The following ZC3H12B variants were observed in gnomAD, a reference collection of about 807,000 sequenced individuals.
The protein encoded by ZC3H12B is probable ribonuclease ZC3H12B.
Under a neutral mutation model 43.9 loss-of-function variants are expected in ZC3H12B, and 7 were observed. That is an observed-to-expected ratio of 0.16 (90% CI 0.09 to 0.30). The LOEUF (loss-of-function observed/expected upper bound fraction) is 0.30, where lower values mean the gene tolerates loss of function less well. Among genes scored for constraint, ZC3H12B ranks in the 10% least tolerant of loss-of-function variants. ZC3H12B has a pLI of 1.00. For missense variants in ZC3H12B, 475 were observed against 670.2 expected (o/e 0.71, Z 3.22); for synonymous variants, 222 against 241.7 (o/e 0.92, Z 0.76).
At chrX:65,351,852 C>A in the ZC3H12B span, among the ~76,000 whole-genome samples, 2 of 112,301 alleles carry the variant, frequency 1.8e-5, no homozygotes, top group Non-Finnish European at 3.8e-5. Flanking sequence ...AATAGGAACA[C>A]TTTTACACAG....
the ZC3H12B span, among the ~76,000 whole-genome samples, chrX:65,069,047 A>G: frequency 9.2e-6 from 1 of 109,270 alleles, no homozygotes; most frequent in African/African-American, 3.3e-5. Flanking sequence ...TTGTGATTTT[A>G]GGGATTTTTC....
chrX:65,326,602 G>T, the ZC3H12B span, among the ~76,000 whole-genome samples: 1 of 109,197 alleles, frequency 9.2e-6, no homozygotes, highest in African/African-American at 3.4e-5. Context: ...TAGATTGTCA[G>T]CATGACCATA....
the ZC3H12B span, among the ~76,000 whole-genome samples, chrX:65,274,193 C>T: frequency 8.0e-5 from 9 of 111,849 alleles, no homozygotes; most frequent in Non-Finnish European, 1.5e-4. Flanking sequence ...ACCTACAGTC[C>T]TTACAATAGG....
chrX:65,211,032 G>A, the ZC3H12B span, among the ~76,000 whole-genome samples: 2 of 62,182 alleles, frequency 3.2e-5, no homozygotes, highest in Admixed American at 2.2e-4. Flanking sequence ...TAACTAACCT[G>A]CACAATGTGC....
the ZC3H12B span, among the ~76,000 whole-genome samples, chrX:65,123,416 T>G: frequency 9.0e-6 from 1 of 111,358 alleles, no homozygotes; most frequent in Non-Finnish European, 1.9e-5. Flanking sequence ...TCTGCCAGGC[T>G]TTGGTATCAG....
intron 2 of ZC3H12B, among the ~76,000 whole-genome samples, chrX:65,389,878 A>G (rs1391060101): frequency 8.9e-6 from 1 of 112,307 alleles, no homozygotes; most frequent in Non-Finnish European, 1.9e-5. Context: ...AACTAGAAAT[A>G]GCATTTGACC....
At chrX:65,138,177 C>G in the ZC3H12B span, among the ~76,000 whole-genome samples, 1 of 112,201 alleles carries the variant, frequency 8.9e-6, no homozygotes, top group African/African-American at 3.2e-5. Context: ...TATAATAGAT[C>G]TCTTGAACAT....
At chrX:65,205,098 C>A in the ZC3H12B span, among the ~76,000 whole-genome samples, 1 of 112,177 alleles carries the variant, frequency 8.9e-6, no homozygotes, top group African/African-American at 3.2e-5. Flanking sequence ...CTTTTCACTT[C>A]ATGGGAGAAA....
At chrX:65,044,631 G>T in the ZC3H12B span, among the ~76,000 whole-genome samples, 1 of 111,113 alleles carries the variant, frequency 9.0e-6, no homozygotes, top group Non-Finnish European at 1.9e-5. Flanking sequence ...CAGTAACCCA[G>T]GCGAGAGAAA....
chrX:65,350,978 A>C, the ZC3H12B span, among the ~76,000 whole-genome samples: 1 of 112,092 alleles, frequency 8.9e-6, no homozygotes, highest in African/African-American at 3.2e-5. Flanking sequence ...ACTACTTTAA[A>C]CTTTAAATGG....
At chrX:65,036,987 GT>G in the ZC3H12B span, among the ~76,000 whole-genome samples, 414 of 97,205 alleles carry the variant, frequency 4.3e-3, 1 homozygote, top group South Asian at 0.014. Context: ...CTGGAATGAA[GT>G]TTTTTTTTTT....
chrX:65,080,662 C>T, the ZC3H12B span, among the ~76,000 whole-genome samples: 1 of 111,510 alleles, frequency 9.0e-6, no homozygotes, highest in African/African-American at 3.3e-5. Context: ...GAAACAAAGG[C>T]TTTGCCAGGC....
At chrX:65,325,757 G>A in the ZC3H12B span, among the ~76,000 whole-genome samples, 1 of 110,872 alleles carries the variant, frequency 9.0e-6, no homozygotes. Context: ...CAATTTTTAA[G>A]ACAATTATGA....
chrX:65,172,378 T>G, the ZC3H12B span, among the ~76,000 whole-genome samples: 1 of 112,243 alleles, frequency 8.9e-6, no homozygotes, highest in Non-Finnish European at 1.9e-5. Flanking sequence ...TTCTATATGT[T>G]GCCTGTTCAC....
chrX:65,485,446 G>A (rs1436156547), upstream of ZC3H12B, among the ~76,000 whole-genome samples: 1 of 111,992 alleles, frequency 8.9e-6, no homozygotes. Flanking sequence ...GTAGAGACAA[G>A]GTTCCACCAT....
the ZC3H12B span, among the ~76,000 whole-genome samples, chrX:65,161,567 A>G: frequency 7.2e-5 from 8 of 111,450 alleles, no homozygotes; most frequent in Admixed American, 1.9e-4. Context: ...CTGTTTTATC[A>G]GAGACTAGGA....
chrX:65,129,977 GAC>G, the ZC3H12B span, among the ~76,000 whole-genome samples: 19 of 111,639 alleles, frequency 1.7e-4, no homozygotes, highest in African/African-American at 5.5e-4. Flanking sequence ...CTAAACAGAA[GAC>G]ACAAGGTCCA....
At chrX:65,054,170 T>C in the ZC3H12B span, among the ~76,000 whole-genome samples, 3 of 112,174 alleles carry the variant, frequency 2.7e-5, no homozygotes, top group African/African-American at 9.7e-5. Context: ...GTTTTAGACA[T>C]GAAGTCCTTG....
the ZC3H12B span, among the ~76,000 whole-genome samples, chrX:65,314,466 A>G: frequency 1.8e-5 from 2 of 111,844 alleles, no homozygotes; most frequent in Middle Eastern, 9.3e-3. Context: ...ATTTTTCACC[A>G]GAAATCATGA....
Sources: gnomAD v4.1 joint callset for allele counts (sites outside exome capture counted in the v4.1 genomes callset) on GRCh38, gnomAD v4.1.1 for gene constraint, MANE v1.5 for transcripts, NCBI Gene and HGNC (gene_info 2026-07-23, HGNC 2026-07-21) for gene names.